PTPRN2: variants seen among roughly 807,000 people sequenced by gnomAD.
The protein encoded by PTPRN2 is receptor-type tyrosine-protein phosphatase N2.
Under a neutral mutation model 118.8 loss-of-function variants are expected in PTPRN2, and 74 were observed. That is an observed-to-expected ratio of 0.62 (90% CI 0.52 to 0.76). PTPRN2 has a LOEUF of 0.76. Ranked by LOEUF, PTPRN2 falls within the 30% of genes least tolerant of loss-of-function variation. PTPRN2 has a pLI of 0.00. For missense variants in PTPRN2, 1,481 were observed against 1,394.4 expected, an observed-to-expected ratio of 1.06 and a Z score of -0.99; for synonymous variants, 641 against 608.0, an observed-to-expected ratio of 1.05 and a Z score of -0.80.
Position 158,138,425 on chromosome 7 carries a change from T to G in PTPRN2, c.1001A>C (p.Glu334Ala). 1 of 1,613,552 alleles carries G rather than the reference T, an allele frequency of 6.2e-7. No individual in the cohort carries two copies. The highest frequency in any genetic ancestry group is 8.5e-7 in the Non-Finnish European group (1 of 1,179,916). ...LSGLELDGMA[E>A]LMAGLMQGVD... ...GCCTTGCATCAGGCCAGCCATCAGC[T>G]CAGCCATGCCGTCCAGCTCCAGGCC... The change falls in exon 7 of 23, where the codon GAG becomes GCG. Residue 334 changes from glutamate to alanine, a missense_variant. Coordinates refer to ENST00000389418, the MANE Select transcript of PTPRN2 (RefSeq NM_002847.5).
chr7:158,469,122 T>TGCACACTCACACACACTC (rs1301344649), intron 2 of PTPRN2, among the ~76,000 whole-genome samples: 16 of 151,792 alleles, frequency 1.1e-4, no homozygotes, highest in South Asian at 2.1e-4. Flanking sequence ...ATCAACAGTG[T>TGCACACTCACACACACTC]CAGGCTTTCA....
rs899141917 is a variant in PTPRN2 at position 158,016,898 on chromosome 7, G to A, written c.1723+64400C>T. Among the ~76,000 whole-genome samples the A allele has an allele frequency of 3.9e-5, 6 of 152,182 alleles. No homozygotes were observed. In the East Asian group the frequency reaches 1.2e-3, roughly 29 times the overall value. On this transcript the variant is annotated intron_variant, in intron 11 of 22. Coordinates refer to ENST00000389418, the MANE Select transcript of PTPRN2 (RefSeq NM_002847.5). ...ACAAGGTGAAACTAATCATACACAT[G>A]ATAACCGGGCTTCACCACCTACAGT...
intron 4 of PTPRN2, among the ~76,000 whole-genome samples, chr7:158,195,319 T>A (rs909888311): frequency 1.3e-5 from 2 of 152,252 alleles, no homozygotes; most frequent in Admixed American, 1.3e-4. Context: ...AAACCTGCAG[T>A]GGCCTTCATC....
At chr7:158,117,760 T>C (rs1328376922) in intron 9 of PTPRN2, among the ~76,000 whole-genome samples, 2 of 149,530 alleles carry the variant, frequency 1.3e-5, no homozygotes, top group Non-Finnish European at 3.0e-5. Context: ...TGAACCAATA[T>C]ATTCCAAGTG....
intron 13 of PTPRN2, among the ~76,000 whole-genome samples, chr7:157,665,024 G>A (rs550047130): frequency 4.5e-4 from 68 of 152,288 alleles, no homozygotes; most frequent in Non-Finnish European, 6.6e-4. Flanking sequence ...GGGGTTAACC[G>A]GCAGTGGTGC....
chr7:157,865,270 A>AC (rs1195644047), intron 12 of PTPRN2: 3 of 152,260 alleles, frequency 2.0e-5, no homozygotes, highest in African/African-American at 7.2e-5. Context: ...GCAGTCCTGC[A>AC]CCAGGGGATG....
chr7:157,829,014 A>G (rs573189458), intron 12 of PTPRN2, among the ~76,000 whole-genome samples: 1 of 152,386 alleles, frequency 6.6e-6, no homozygotes, highest in Admixed American at 6.5e-5. Flanking sequence ...TTAAAACCAA[A>G]CACAATTTGA....
chr7:157,864,792 G>C (rs1252396820), intron 12 of PTPRN2: 1 of 152,276 alleles, frequency 6.6e-6, no homozygotes, highest in East Asian at 1.9e-4. Context: ...CTGAGACCCA[G>C]GTTTGGGCCC....
chr7:157,789,766 GTGGTGTGTGTGTATA>G (rs962980217), intron 12 of PTPRN2, among the ~76,000 whole-genome samples: 1 of 150,318 alleles, frequency 6.7e-6, no homozygotes, highest in African/African-American at 2.5e-5. Context: ...GGGTATATGT[GTGGTGTGTGTGTATA>G]TGGTATGTGT....
chr7:157,835,022 C>G (rs1038164902), intron 12 of PTPRN2, among the ~76,000 whole-genome samples: 1 of 152,114 alleles, frequency 6.6e-6, no homozygotes, highest in African/African-American at 2.4e-5. Context: ...TGCCTTTTGT[C>G]AGGAAAAGAA....
At chr7:157,652,814 C>G (rs1255005960) in intron 14 of PTPRN2, among the ~76,000 whole-genome samples, 8 of 152,244 alleles carry the variant, frequency 5.3e-5, no homozygotes, top group Admixed American at 5.2e-4. Flanking sequence ...GGCCTGTCTC[C>G]TTTATAAGAG....
At chr7:158,406,214 C>T (rs1586592532) in intron 2 of PTPRN2, among the ~76,000 whole-genome samples, 1 of 148,146 alleles carries the variant, frequency 6.8e-6, no homozygotes, top group East Asian at 2.0e-4. Context: ...GTGGCTCATC[C>T]GTGAGACATT....
chr7:158,163,805 C>A (rs142100108), intron 6 of PTPRN2, among the ~76,000 whole-genome samples: 2 of 151,786 alleles, frequency 1.3e-5, no homozygotes, highest in African/African-American at 4.9e-5. Context: ...GACGCCTGTA[C>A]GGGGTTCTCA....
intron 14 of PTPRN2, among the ~76,000 whole-genome samples, chr7:157,628,231 G>A (rs2150662177): frequency 6.6e-6 from 1 of 152,346 alleles, no homozygotes; most frequent in East Asian, 1.9e-4. Flanking sequence ...TGAACACTTT[G>A]AGGGAGAATG....
Position 158,184,167 on chromosome 7 carries a change from A to C in PTPRN2, c.549+8160T>G, listed in dbSNP as rs556774120. On this transcript the variant is annotated intron_variant, in intron 5 of 22. Coordinates refer to ENST00000389418, the MANE Select transcript of PTPRN2 (RefSeq NM_002847.5). ...AAAGTTCTAGTTATCAATTTTTTTT[A>C]AGGATTGTGTTTTTGTATCATATTG... is the stretch of plus-strand genomic sequence containing the variant. 1.7e-3 allele frequency among the ~76,000 whole-genome samples: 258 copies of C among 152,172 alleles called. 2 individuals are homozygous for C. Among genetic ancestry groups the C allele is most frequent in the African/African-American group, 5.9e-3 (247 of 41,540 alleles).
At position 157,561,138 on chromosome 7, in the gene PTPRN2, C is replaced by T. The variant is rs533508968; in HGVS notation, c.2902+7764G>A. Among the ~76,000 whole-genome samples the T allele has an allele frequency of 2.6e-5, 4 of 152,158 alleles. No homozygotes were observed. The East Asian group carries it at 5.8e-4, about 22-fold the overall frequency. On this transcript the variant is annotated intron_variant, in intron 21 of 22. Transcript: ENST00000389418. ...GCACTGCCCAGCCATGCCATCCCCTCGGCCCCCGGGTCCTGTACTGCCCGG... is the reference window on the plus strand; with the variant it reads ...GCACTGCCCAGCCATGCCATCCCCTTGGCCCCCGGGTCCTGTACTGCCCGG...
chr7:158,055,703 G>C (rs769213969), intron 11 of PTPRN2, among the ~76,000 whole-genome samples: 2 of 152,206 alleles, frequency 1.3e-5, no homozygotes, highest in Non-Finnish European at 2.9e-5. Flanking sequence ...AGGGCCCCCT[G>C]TCCAGTGGAC....
intron 12 of PTPRN2, among the ~76,000 whole-genome samples, chr7:157,706,660 T>C (rs959208661): frequency 6.6e-6 from 1 of 151,292 alleles, no homozygotes; most frequent in Non-Finnish European, 1.5e-5. Flanking sequence ...TGCTGGGAAT[T>C]GAGTGAATCT....
intron 2 of PTPRN2, among the ~76,000 whole-genome samples, chr7:158,381,337 G>A (rs900919773): frequency 3.9e-5 from 6 of 152,064 alleles, no homozygotes; most frequent in East Asian, 1.9e-4. Flanking sequence ...AATTTCTTCC[G>A]CCACATACCC....
Sources: allele counts gnomAD v4.1 joint callset (sites outside exome capture counted in the v4.1 genomes callset), GRCh38; gene constraint gnomAD v4.1.1; transcripts MANE v1.5; gene names NCBI Gene and HGNC (gene_info 2026-07-23, HGNC 2026-07-21).